PKN2: variants seen among roughly 807,000 people sequenced by gnomAD.
PKN2 encodes protein kinase N2, also known as serine/threonine-protein kinase N2.
A neutral mutation model predicts 119.1 loss-of-function variants in PKN2; 38 were observed. The ratio of observed to expected loss-of-function variants is 0.32; its 90% CI spans 0.25 to 0.42. The LOEUF is 0.42. PKN2 is among the 10% of genes least tolerant of loss of function. PKN2 has a pLI of 1.00. For synonymous variants in PKN2, 390 were observed against 384.9 expected, an observed-to-expected ratio of 1.01 and a Z score of -0.15; for missense variants, 850 against 1,165.1, an observed-to-expected ratio of 0.73 and a Z score of 3.94.
chr1:88,691,601 C>G (rs1008141400), intron 1 of PKN2, among the ~76,000 whole-genome samples: 3 of 152,202 alleles, frequency 2.0e-5, no homozygotes, highest in African/African-American at 4.8e-5. Flanking sequence ...CTCCCCCTCT[C>G]TCAAAACAAG....
At chr1:88,729,037 G>C (rs1288190017) in intron 1 of PKN2, among the ~76,000 whole-genome samples, 1 of 151,912 alleles carries the variant, frequency 6.6e-6, no homozygotes, top group Non-Finnish European at 1.5e-5. Context: ...TGGGATTACA[G>C]GCATGTGCCA....
chr1:88,765,029 T>C (rs1669604260), intron 3 of PKN2, among the ~76,000 whole-genome samples: 1 of 152,126 alleles, frequency 6.6e-6, no homozygotes, highest in Non-Finnish European at 1.5e-5. Flanking sequence ...TTCAAGCGAT[T>C]CTTCTGCCTC....
At chr1:88,757,024 C>G (rs987394291) in intron 2 of PKN2, among the ~76,000 whole-genome samples, 1 of 152,090 alleles carries the variant, frequency 6.6e-6, no homozygotes, top group Admixed American at 6.6e-5. Context: ...GCCTCAACCA[C>G]TATACTAGAT....
intron 8 of PKN2, 65 bp from the exon 9 acceptor site, chr1:88,804,326 T>G: frequency 8.2e-7 from 1 of 1,222,904 alleles, no homozygotes; most frequent in Non-Finnish European, 1.1e-6. Flanking sequence ...TTGTGATATT[T>G]TATTCAAGTG....
intron 6 of PKN2, among the ~76,000 whole-genome samples, chr1:88,779,035 G>A (rs576297289): frequency 2.1e-4 from 32 of 152,286 alleles, no homozygotes; most frequent in Admixed American, 8.5e-4. Flanking sequence ...AGATTTTCTA[G>A]TTACGTGAAA....
chr1:88,712,240 C>G (rs1341175085), intron 1 of PKN2, among the ~76,000 whole-genome samples: 1 of 152,054 alleles, frequency 6.6e-6, no homozygotes. Context: ...GTAGCTTGCT[C>G]TTTATATCAC....
intron 19 of PKN2, chr1:88,829,266 A>G (rs1239643395): frequency 7.5e-6 from 5 of 667,052 alleles, no homozygotes; most frequent in East Asian, 5.4e-5. Flanking sequence ...TTTGCTGAGA[A>G]TGAAACCAAT....
chr1:88,791,057 G>A (rs1164072056), intron 8 of PKN2, among the ~76,000 whole-genome samples: 1 of 152,136 alleles, frequency 6.6e-6, no homozygotes, highest in Non-Finnish European at 1.5e-5. Context: ...TCTCTTTTAA[G>A]ATGTCTGCTT....
chr1:88,732,839 A>G (rs1436450604), intron 1 of PKN2, among the ~76,000 whole-genome samples: 1 of 152,210 alleles, frequency 6.6e-6, no homozygotes, highest in Non-Finnish European at 1.5e-5. Context: ...TCAGTCATAA[A>G]TAATGAAATC....
At chr1:88,781,066 C>A in intron 6 of PKN2, 2 of 1,134,296 alleles carry the variant, frequency 1.8e-6, no homozygotes, top group Non-Finnish European at 2.2e-6. Flanking sequence ...TAAGCTCCTA[C>A]TGGACCATAA....
At chr1:88,820,180 C>CTATATATATATATATATATATA (rs397980752) in intron 16 of PKN2, among the ~76,000 whole-genome samples, 1 of 70,740 alleles carries the variant, frequency 1.4e-5, no homozygotes, top group Non-Finnish European at 2.6e-5. Flanking sequence ...TTTCAGAAAC[C>CTATATATATATATATATATATA]TATATATATA....
chr1:88,738,180 C>CA (rs71793968), intron 1 of PKN2, among the ~76,000 whole-genome samples: 51 of 131,488 alleles, frequency 3.9e-4, no homozygotes, highest in Non-Finnish European at 4.4e-4. Flanking sequence ...AACAAACAAA[C>CA]AAAAAAAAAC....
Position 88,821,961 on chromosome 1 carries a change from T to G in PKN2, c.2300T>G (p.Val767Gly), listed in dbSNP as rs768396536. Residue 767 changes from valine (V) to glycine (G), a missense_variant, in exon 17 of 22, where the codon GTT (valine) becomes GGT (glycine). Val to Gly is a moderately radical substitution (Grantham distance 109, BLOSUM62 -3). Transcript: ENST00000370521. Reference protein sequence around the residue: ...PRAVFYAACVVLGLQYLHEHK... With the variant: ...PRAVFYAACVGLGLQYLHEHK... ...AACAGATTTTATGCTGCTTGTGTAG[T>G]TCTTGGGTTGCAGTATTTACATGAA... The G allele has an allele frequency of 2.5e-6, 4 of 1,575,314 alleles. No individual in the cohort carries two copies. The Admixed American group carries it at 7.6e-5, about 30-fold the overall frequency.
At chr1:88,794,918 C>A (rs1374545801) in intron 8 of PKN2, among the ~76,000 whole-genome samples, 2 of 152,168 alleles carry the variant, frequency 1.3e-5, no homozygotes, top group Non-Finnish European at 2.9e-5. Context: ...CAAATAATTT[C>A]TATTCTGCTT....
At position 88,835,570 on chromosome 1, in the gene PKN2, T is replaced by A. The variant is rs1672911603; in HGVS notation, c.*2122T>A. ...TTTGTAGTTTAAAATATATATATAT[T>A]TTAGTCAGATTTAAAATTTTAAGCT... is the stretch of plus-strand genomic sequence containing the variant. On this transcript the variant is annotated 3_prime_UTR_variant, in exon 22 of 22. Transcript: ENST00000370521. The A allele has an allele frequency of 6.6e-6, 1 of 152,350 alleles. No individual in the cohort carries two copies. Among genetic ancestry groups the A allele is most frequent in the East Asian group, 1.9e-4 (1 of 5,198 alleles). The allele number at this position is 152,350 out of a possible 1,614,324, so 9.4% of individuals were successfully genotyped here.
At chr1:88,793,491 CT>C (rs961734759) in intron 8 of PKN2, among the ~76,000 whole-genome samples, 4 of 152,018 alleles carry the variant, frequency 2.6e-5, no homozygotes, top group South Asian at 2.1e-4. Context: ...GAATTGCCTA[CT>C]TTTTTTTCTT....
chr1:88,757,461 C>T (rs1332449518), intron 2 of PKN2, among the ~76,000 whole-genome samples: 1 of 151,962 alleles, frequency 6.6e-6, no homozygotes, highest in Admixed American at 6.6e-5. Flanking sequence ...ATTATAATTG[C>T]ATGTGTTGAA....
chr1:88,819,810 A>T (rs1672171270), intron 16 of PKN2, among the ~76,000 whole-genome samples: 1 of 152,202 alleles, frequency 6.6e-6, no homozygotes, highest in African/African-American at 2.4e-5. Context: ...CATATACACC[A>T]TGAAATACTA....
At chr1:88,781,799 C>T (rs764127884) in intron 6 of PKN2, among the ~76,000 whole-genome samples, 2 of 152,084 alleles carry the variant, frequency 1.3e-5, no homozygotes, top group African/African-American at 2.4e-5. Flanking sequence ...TACAGTTGAG[C>T]ATTTACAGTG....
Sources: gnomAD v4.1 joint callset for allele counts (sites outside exome capture counted in the v4.1 genomes callset) on GRCh38, gnomAD v4.1.1 for gene constraint, MANE v1.5 for transcripts, NCBI Gene and HGNC (gene_info 2026-07-23, HGNC 2026-07-21) for gene names.